Variants in PTPRM observed in about 807,000 individuals in gnomAD.
PTPRM encodes the protein protein tyrosine phosphatase receptor type M.
A neutral mutation model predicts 186.7 loss-of-function variants in PTPRM; 47 were observed. The observed-to-expected ratio is 0.25, with a 90% CI of 0.20 to 0.32. PTPRM has a LOEUF of 0.32. Among genes scored for constraint, PTPRM ranks in the 10% least tolerant of loss-of-function variants. The probability of loss-of-function intolerance (pLI) is 1.00; values close to 1 mark genes in which losing one functional copy is unlikely to be tolerated. For missense variants in PTPRM, 1,494 were observed against 1,865.0 expected (o/e 0.80, Z 3.66); for synonymous variants, 668 against 674.9 (o/e 0.99, Z 0.16).
At chr18:7,721,563 A>T (rs74815794) in intron 1 of PTPRM, among the ~76,000 whole-genome samples, 1 of 152,254 alleles carries the variant, frequency 6.6e-6, no homozygotes, top group African/African-American at 2.4e-5. Flanking sequence ...TGTCATGATG[A>T]GTGATACAGT....
chr18:7,762,894 T>C (rs2144775459), intron 1 of PTPRM, among the ~76,000 whole-genome samples: 1 of 152,340 alleles, frequency 6.6e-6, no homozygotes, highest in South Asian at 2.1e-4. Flanking sequence ...TGACTTTCTT[T>C]GATGTTCATC....
Position 7,708,092 on chromosome 18 carries a change from G to A in PTPRM, c.74-66057G>A, listed in dbSNP as rs1440691174. Among the ~76,000 whole-genome samples the A allele has an allele frequency of 2.0e-5, 3 of 152,154 alleles. No individual in the cohort carries two copies. The East Asian group carries it at 5.8e-4, about 29-fold the overall frequency. ...AGGCTCTTTCATTGGCTTTTAGAAA[G>A]CATTCAGTAAGGTTTTTAAATGAAG... On this transcript the variant is annotated intron_variant, in intron 1 of 32. Transcript: ENST00000580170.
intron 2 of PTPRM, among the ~76,000 whole-genome samples, chr18:7,784,722 C>T (rs1270005897): frequency 6.6e-6 from 1 of 152,192 alleles, no homozygotes; most frequent in Non-Finnish European, 1.5e-5. Flanking sequence ...AGATTAGTCT[C>T]TACATTTTTA....
At chr18:8,083,482 G>A (rs967243147) in intron 9 of PTPRM, among the ~76,000 whole-genome samples, 1 of 152,044 alleles carries the variant, frequency 6.6e-6, no homozygotes, top group African/African-American at 2.4e-5. Flanking sequence ...ACATCTCAGT[G>A]GGCCCTTCCC....
intron 3 of PTPRM, among the ~76,000 whole-genome samples, chr18:7,889,070 C>G (rs920725665): frequency 6.6e-6 from 1 of 151,992 alleles, no homozygotes; most frequent in Non-Finnish European, 1.5e-5. Flanking sequence ...ATGCAGTTTA[C>G]CCAGGTAACA....
At chr18:8,000,417 G>A (rs1435824475) in intron 7 of PTPRM, among the ~76,000 whole-genome samples, 2 of 152,090 alleles carry the variant, frequency 1.3e-5, no homozygotes, top group African/African-American at 4.8e-5. Context: ...ATGTATAATG[G>A]TCTTACTGTG....
chr18:8,090,396 A>C (rs1314232765), intron 11 of PTPRM, among the ~76,000 whole-genome samples: 1 of 152,178 alleles, frequency 6.6e-6, no homozygotes, highest in East Asian at 1.9e-4. Flanking sequence ...GAATAGTTAG[A>C]GTTCACTCAG....
chr18:7,730,910 C>T (rs979066542), intron 1 of PTPRM, among the ~76,000 whole-genome samples: 2 of 152,154 alleles, frequency 1.3e-5, no homozygotes, highest in African/African-American at 4.8e-5. Context: ...TCACATTGAT[C>T]TGATGGAGAT....
At chr18:8,156,359 G>A (rs778986979) in intron 14 of PTPRM, among the ~76,000 whole-genome samples, 1 of 152,152 alleles carries the variant, frequency 6.6e-6, no homozygotes, top group South Asian at 2.1e-4. Flanking sequence ...AGAATCTGAC[G>A]AACCTGATTT....
intron 23 of PTPRM, among the ~76,000 whole-genome samples, chr18:8,366,303 C>T (rs908785570): frequency 6.6e-6 from 1 of 151,954 alleles, no homozygotes; most frequent in African/African-American, 2.4e-5. Flanking sequence ...TCAATCCTTG[C>T]TACCCACAGT....
At chr18:8,082,228 A>G (rs1411554229) in intron 9 of PTPRM, among the ~76,000 whole-genome samples, 1 of 152,190 alleles carries the variant, frequency 6.6e-6, no homozygotes, top group Non-Finnish European at 1.5e-5. Flanking sequence ...ATACAATTAC[A>G]TGAAATGTTC....
intron 1 of PTPRM, among the ~76,000 whole-genome samples, chr18:7,574,061 A>G (rs2036627288): frequency 6.6e-6 from 1 of 152,194 alleles, no homozygotes; most frequent in African/African-American, 2.4e-5. Flanking sequence ...CTGAGATTGG[A>G]GAACCCTTGT....
In PTPRM at chr18:8,394,569, G is replaced by A. The variant is rs753312463; in HGVS notation, c.4302G>A (p.Val1434=). The A allele has an allele frequency of 8.7e-6, 14 of 1,613,680 alleles. No individual in the cohort carries two copies. The highest frequency in any genetic ancestry group is 1.2e-5 in the Non-Finnish European group (14 of 1,179,818). Residue 1434 remains valine (V), a synonymous_variant, in exon 32 of 33, where the codon GTG becomes GTA. Coordinates refer to ENST00000580170, the MANE Select transcript of PTPRM (RefSeq NM_001105244.2). ...GAACCGTGGATGTCTTTCACGCTGT[G>A]AAGACACTGAGGAACAACAAGCCCA... is the stretch of plus-strand genomic sequence containing the variant. ...HQRTVDVFHA[V]KTLRNNKPNM... is the part of the protein sequence containing the mutation.
intron 1 of PTPRM, among the ~76,000 whole-genome samples, chr18:7,608,899 C>A (rs1404172684): frequency 1.3e-5 from 2 of 152,138 alleles, no homozygotes; most frequent in African/African-American, 4.8e-5. Flanking sequence ...CCAGTTAGAA[C>A]AGATGTAGGA....
chr18:8,159,659 C>G (rs1372451939), intron 14 of PTPRM, among the ~76,000 whole-genome samples: 7 of 152,190 alleles, frequency 4.6e-5, no homozygotes, highest in African/African-American at 1.4e-4. Flanking sequence ...ACAGTACGCT[C>G]TCCTGCATTC....
rs879710754 is a variant in PTPRM, at chr18:8,240,828, A to AGAGAGAGAGAGAG, written c.2301-3230_2301-3229insGAGAGAGAGAGAG. On this transcript the variant is annotated intron_variant, in intron 14 of 32. Coordinates refer to ENST00000580170, the MANE Select transcript of PTPRM (RefSeq NM_001105244.2). Reference sequence around the variant, plus strand: ...AGAGAGAGAGAGAGAGAGAGAGAGAAAGAAAGAAAGAAAGAAAAGAAAGAA... The same window carrying AGAGAGAGAGAGAG: ...AGAGAGAGAGAGAGAGAGAGAGAGAAGAGAGAGAGAGAGAGAAAGAAAGAAAGAAAAGAAAGAA... Among the ~76,000 whole-genome samples the AGAGAGAGAGAGAG allele has an allele frequency of 8.0e-4, 25 of 31,296 alleles. 3 individuals are homozygous for AGAGAGAGAGAGAG. Among genetic ancestry groups the AGAGAGAGAGAGAG allele is most frequent in the Middle Eastern group, 0.014 (1 of 74 alleles). 20.5% of individuals were successfully genotyped at this position (31,296 alleles called of 152,430 possible). A position where few individuals can be genotyped will look rare whatever the true frequency, so the allele number is the denominator to read the frequency against.
At position 7,888,114 on chromosome 18, in the gene PTPRM, A is replaced by G. The variant is rs1469100010; in HGVS notation, c.205A>G (p.Met69Val). 7 of 1,614,122 alleles carry G rather than the reference A, an allele frequency of 4.3e-6. No homozygotes were observed. Among genetic ancestry groups the G allele is most frequent in the Non-Finnish European group, 5.1e-6 (6 of 1,179,982 alleles). ...TGATTTTGTTTTTGCAGGTTCTTTC[A>G]TGCTGGTGAATGCCTCTGGGAGACC... ...SDPWMPSGSF[M>V]LVNASGRPEG... Residue 69 changes from methionine to valine, a missense_variant, in exon 3 of 33, where the codon ATG becomes GTG. Around this residue, in one of 3 missense-constraint regions of PTPRM, gnomAD observed 296 missense variants for 345.5 expected, o/e 0.86. Coordinates refer to ENST00000580170, the MANE Select transcript of PTPRM (RefSeq NM_001105244.2).
chr18:7,640,403 C>T (rs879919691), intron 1 of PTPRM, among the ~76,000 whole-genome samples: 8 of 151,936 alleles, frequency 5.3e-5, no homozygotes, highest in East Asian at 1.9e-4. Context: ...AATTGAGGTC[C>T]GAGGAATTTT....
rs1016458176 is a variant in PTPRM at position 8,238,674 on chromosome 18, T to G, written c.2301-5384T>G. ...GTGTTTTTTTTTTTTTTTTTTTTTTTTTTTTTTTTTGCGAAGCTACACATG... is the reference window on the plus strand; with the variant it reads ...GTGTTTTTTTTTTTTTTTTTTTTTTGTTTTTTTTTTGCGAAGCTACACATG... On this transcript the variant is annotated intron_variant, in intron 14 of 32. Coordinates refer to ENST00000580170, the MANE Select transcript of PTPRM (RefSeq NM_001105244.2). Among the ~76,000 whole-genome samples, 633 of 142,392 alleles carry G rather than the reference T, an allele frequency of 4.4e-3. 22 individuals carry two copies. Among genetic ancestry groups the G allele is most frequent in the African/African-American group, 0.015 (582 of 39,138 alleles). The allele number at this position is 142,392 out of a possible 152,430, so 93.4% of individuals were successfully genotyped here. A position where few individuals can be genotyped will look rare whatever the true frequency, so the allele number is the denominator to read the frequency against.
Sources: allele counts gnomAD v4.1 joint callset (sites outside exome capture counted in the v4.1 genomes callset), GRCh38; gene constraint gnomAD v4.1.1; regional missense constraint gnomAD v4.1.1; transcripts MANE v1.5; gene names NCBI Gene and HGNC (gene_info 2026-07-23, HGNC 2026-07-21).